Variants in AGO3 observed in about 807,000 individuals in gnomAD.
The protein encoded by AGO3 is argonaute RISC catalytic component 3.
A neutral mutation model predicts 105.5 loss-of-function variants in AGO3; 16 were observed. The observed-to-expected ratio is 0.15, with a 90% CI of 0.10 to 0.23. The LOEUF is 0.23. Ranked by LOEUF, AGO3 falls within the 10% of genes least tolerant of loss-of-function variation. The probability of loss-of-function intolerance (pLI) is 1.00; values close to 1 mark genes in which losing one functional copy is unlikely to be tolerated. For missense variants in AGO3, 534 were observed against 1,088.0 expected, an observed-to-expected ratio of 0.49 and a Z score of 7.16; for synonymous variants, 340 against 367.3, an observed-to-expected ratio of 0.93 and a Z score of 0.85.
At chr1:36,049,067 A>G (rs962874321) in intron 17 of AGO3, among the ~76,000 whole-genome samples, 6 of 152,242 alleles carry the variant, frequency 3.9e-5, no homozygotes, top group African/African-American at 7.2e-5. Context: ...GATGGAGCTG[A>G]AGGTCATAAT....
intron 2 of AGO3, among the ~76,000 whole-genome samples, chr1:35,960,043 T>C (rs1343429717): frequency 6.6e-6 from 1 of 152,156 alleles, no homozygotes; most frequent in East Asian, 1.9e-4. Flanking sequence ...AGAATGGGAC[T>C]AAAAACTCAT....
At chr1:36,045,075 A>G (rs1027174064) in intron 17 of AGO3, among the ~76,000 whole-genome samples, 2 of 152,092 alleles carry the variant, frequency 1.3e-5, no homozygotes, top group Admixed American at 1.3e-4. Flanking sequence ...CCATGTTCTT[A>G]TATCAGCTCC....
At chr1:35,961,530 T>C (rs2148765027) in intron 2 of AGO3, among the ~76,000 whole-genome samples, 1 of 152,342 alleles carries the variant, frequency 6.6e-6, no homozygotes, top group East Asian at 1.9e-4. Flanking sequence ...TCTATCAAAA[T>C]AGCCAAAAAC....
chr1:36,013,407 A>C, intron 9 of AGO3: 1 of 498,206 alleles, frequency 2.0e-6, no homozygotes, highest in East Asian at 3.9e-5. Flanking sequence ...GCATACATAC[A>C]AATTTTGTAT....
At chr1:35,957,762 C>T (rs1053225090) in intron 2 of AGO3, among the ~76,000 whole-genome samples, 3 of 151,914 alleles carry the variant, frequency 2.0e-5, no homozygotes, top group Admixed American at 1.3e-4. Context: ...TTTTATATTA[C>T]AAATTATTAA....
chr1:36,034,859 A>G (rs1465767511), intron 13 of AGO3, among the ~76,000 whole-genome samples: 2 of 152,234 alleles, frequency 1.3e-5, no homozygotes, highest in East Asian at 1.9e-4. Context: ...CCTTCCTGCT[A>G]TAGTCAGTGA....
chr1:35,973,534 C>T (rs532521981), intron 5 of AGO3, 23 bp downstream of exon 5: 2 of 1,512,986 alleles, frequency 1.3e-6, no homozygotes, highest in East Asian at 2.4e-5. Flanking sequence ...AAGCCATATT[C>T]TGTATTGGGT....
chr1:35,974,726 T>C (rs911809994), intron 5 of AGO3, among the ~76,000 whole-genome samples: 42 of 152,338 alleles, frequency 2.8e-4, no homozygotes, highest in African/African-American at 1.0e-3. Context: ...AAATTATTTA[T>C]TTCACTAGGG....
intron 14 of AGO3, among the ~76,000 whole-genome samples, chr1:36,038,252 C>CTTTTTTTTTTTTTTTTTTTTTTTTTTTT (rs781058020): frequency 8.9e-6 from 1 of 112,656 alleles, no homozygotes; most frequent in Non-Finnish European, 1.7e-5. Flanking sequence ...TGGATTTATT[C>CTTTTTTTTTTTTTTTTTTTTTTTTTTTT]TTTTTTTTTT....
intron 5 of AGO3, among the ~76,000 whole-genome samples, chr1:35,976,398 C>G (rs540144966): frequency 1.2e-3 from 176 of 151,682 alleles, no homozygotes; most frequent in Middle Eastern, 6.8e-3. Flanking sequence ...TTTTTTCAAG[C>G]GATTTTATTG....
rs1643127585 is a variant in AGO3, at chr1:36,068,888, C to T, written c.*13143C>T. On this transcript the variant is annotated 3_prime_UTR_variant, in exon 19 of 19. Transcript: ENST00000373191. ...CTTAAGGTGTTCTTTAATGGAGGAA[C>T]TTTTGAAAGATCACAAATGGAAAAA... 1 of 152,146 alleles carries T rather than the reference C, an allele frequency of 6.6e-6. No homozygotes were observed. The highest frequency in any genetic ancestry group is 2.4e-5 in the African/African-American group (1 of 41,434). The allele number at this position is 152,146 out of a possible 1,614,324, so 9.4% of individuals were successfully genotyped here. A position where few individuals can be genotyped will look rare whatever the true frequency, so the allele number is the denominator to read the frequency against.
chr1:35,962,020 A>AG (rs1165423432), intron 2 of AGO3, among the ~76,000 whole-genome samples: 1 of 152,230 alleles, frequency 6.6e-6, no homozygotes, highest in Non-Finnish European at 1.5e-5. Flanking sequence ...AGCTTTTAAC[A>AG]TAGTAATTTA....
intron 5 of AGO3, among the ~76,000 whole-genome samples, chr1:35,989,914 TGTTA>T (rs1281801877): frequency 6.6e-6 from 1 of 152,038 alleles, no homozygotes; most frequent in African/African-American, 2.4e-5. Context: ...ATCTGATGTT[TGTTA>T]GTTATATCTC....
intron 11 of AGO3, among the ~76,000 whole-genome samples, chr1:36,020,278 AG>A (rs1641148590): frequency 6.6e-6 from 1 of 152,228 alleles, no homozygotes; most frequent in African/African-American, 2.4e-5. Flanking sequence ...GGGTTATCAT[AG>A]GTAGTTTGAC....
intron 6 of AGO3, chr1:36,005,866 C>T: frequency 9.1e-6 from 9 of 985,124 alleles, no homozygotes; most frequent in Non-Finnish European, 9.6e-6. Context: ...AAGGTAAAGC[C>T]AAGTTTATAG....
rs541065526 is a variant in AGO3, at chr1:35,945,104, G to A, written c.20-588G>A. Among the ~76,000 whole-genome samples, 162 of 152,298 alleles carry A rather than the reference G, an allele frequency of 1.1e-3. 1 individual carries two copies. Among genetic ancestry groups the A allele is most frequent in the Middle Eastern group, 3.4e-3 (1 of 294 alleles). On this transcript the variant is annotated intron_variant, in intron 1 of 18. Transcript: ENST00000373191. The stretch of plus-strand genomic sequence containing the variant: ...TGGGATTACAGGTGTGAGCTGCCAT[G>A]CTTGGCCTGAGATACTTACCTTGTC...
chr1:35,948,136 T>G (rs1049351606), intron 2 of AGO3, among the ~76,000 whole-genome samples: 11 of 152,006 alleles, frequency 7.2e-5, no homozygotes, highest in Non-Finnish European at 1.6e-4. Context: ...TTGAGGGATG[T>G]CAATTCAAGT....
chr1:36,026,608 C>T (rs1444539004), intron 11 of AGO3, among the ~76,000 whole-genome samples: 2 of 152,174 alleles, frequency 1.3e-5, no homozygotes, highest in Non-Finnish European at 1.5e-5. Context: ...CCTGCCGTGC[C>T]TCTTTCTTAT....
Position 36,070,603 on chromosome 1 carries a change from A to G in AGO3, c.*14858A>G, listed in dbSNP as rs1294313807. On this transcript the variant is annotated 3_prime_UTR_variant, in exon 19 of 19. Coordinates refer to ENST00000373191, the MANE Select transcript of AGO3 (RefSeq NM_024852.4). Reference sequence around the variant, plus strand: ...TACACAGGGTATGGACGCATTCAACATTTACTTTTATCTCCACAGATGCCA... The same window carrying G: ...TACACAGGGTATGGACGCATTCAACGTTTACTTTTATCTCCACAGATGCCA... The G allele has an allele frequency of 6.6e-6, 1 of 152,190 alleles. No homozygotes were observed. The highest frequency in any genetic ancestry group is 1.5e-5 in the Non-Finnish European group (1 of 68,040). 9.4% of individuals were successfully genotyped at this position (152,190 alleles called of 1,614,324 possible).
Sources: gnomAD v4.1 joint callset for allele counts (sites outside exome capture counted in the v4.1 genomes callset) on GRCh38, gnomAD v4.1.1 for gene constraint, MANE v1.5 for transcripts, NCBI Gene and HGNC (gene_info 2026-07-23, HGNC 2026-07-21) for gene names.